The following GAK variants were observed in gnomAD, a reference collection of about 807,000 sequenced individuals.
GAK encodes the protein cyclin G associated kinase, also known as cyclin-G-associated kinase.
In GAK, 79 loss-of-function variants were observed where a neutral mutation model predicts 143.9. The observed-to-expected ratio is 0.55, with a 90% CI of 0.46 to 0.66. GAK has a LOEUF of 0.66. Ranked by LOEUF, GAK falls within the 30% of genes least tolerant of loss-of-function variation. GAK has a pLI of 0.00. For synonymous variants in GAK, 881 were observed against 765.5 expected (o/e 1.15, Z -2.49); for missense variants, 1,693 against 1,779.7 (o/e 0.95, Z 0.88).
At position 877,111 on chromosome 4, in the gene GAK, C is replaced by G; in HGVS notation, c.1953G>C (p.Leu651=). ...LIVIYHARST[L]GGRLQAKMAS... The stretch of plus-strand genomic sequence containing the variant: ...TCACCTTGGCCTGCAGCCGGCCGCC[C>G]AGAGTGGACCGGGCGTGATAGATGA... Residue 651 remains leucine (L), a synonymous_variant, in exon 17 of 28, where the codon CTG becomes CTC. Coordinates refer to ENST00000314167, the MANE Select transcript of GAK (RefSeq NM_005255.4). The G allele has an allele frequency of 1.2e-6, 2 of 1,613,402 alleles. No homozygotes were observed. The highest frequency in any genetic ancestry group is 1.3e-5 in the African/African-American group (1 of 75,012).
At chr4:929,373 A>G (rs1725323811) in intron 1 of GAK, among the ~76,000 whole-genome samples, 1 of 152,168 alleles carries the variant, frequency 6.6e-6, no homozygotes, top group Non-Finnish European at 1.5e-5. Flanking sequence ...GCCTCAATTT[A>G]TCTCACTAGC....
At chr4:901,253 C>A (rs1409611927) in intron 5 of GAK, among the ~76,000 whole-genome samples, 1 of 152,136 alleles carries the variant, frequency 6.6e-6, no homozygotes, top group Non-Finnish European at 1.5e-5. Flanking sequence ...GGCTTAGGCA[C>A]CCCCACCCAG....
chr4:900,087 C>T (rs1719570556), intron 5 of GAK, among the ~76,000 whole-genome samples: 1 of 152,264 alleles, frequency 6.6e-6, no homozygotes, highest in South Asian at 2.1e-4. Flanking sequence ...GATGCAGTGG[C>T]ACACGGCCAC....
intron 1 of GAK, among the ~76,000 whole-genome samples, chr4:930,956 T>TTAGA (rs1577354072): frequency 6.6e-6 from 1 of 152,210 alleles, no homozygotes; most frequent in East Asian, 1.9e-4. Context: ...ACCAGGGAGC[T>TTAGA]GGTGAGGGTG....
chr4:871,996 G>C (rs1712739622), intron 18 of GAK, among the ~76,000 whole-genome samples: 1 of 152,186 alleles, frequency 6.6e-6, no homozygotes. Flanking sequence ...AAGAGTGGCG[G>C]CCAGTTCCTG....
chr4:882,827 G>A lies in GAK; in HGVS notation c.1405-8C>T, dbSNP rs754734896. On this transcript the variant is annotated splice_region_variant and splice_polypyrimidine_tract_variant and intron_variant, in intron 13 of 27. Transcript: ENST00000314167. ...CCAGCCACACTCGGAGACCTGTGGG[G>A]ACAGGGCACGGTGGCACGGACGGCA... 4 of 1,607,970 alleles carry A rather than the reference G, an allele frequency of 2.5e-6. No individual in the cohort carries two copies. The highest frequency in any genetic ancestry group is 2.2e-4 in the Middle Eastern group (1 of 4,612).
Position 864,993 on chromosome 4 carries a change from C to T in GAK, c.3166+129G>A. 9 of 1,301,146 alleles carry T rather than the reference C, an allele frequency of 6.9e-6. 1 individual carries two copies. The South Asian group carries it at 1.4e-4, about 20-fold the overall frequency. 80.6% of individuals were successfully genotyped at this position (1,301,146 alleles called of 1,614,324 possible). A position where few individuals can be genotyped will look rare whatever the true frequency, so the allele number is the denominator to read the frequency against. On this transcript the variant is annotated intron_variant, in intron 23 of 27. Coordinates refer to ENST00000314167, the MANE Select transcript of GAK (RefSeq NM_005255.4). ...AGCCTTGTGTGCGGAGCCCGCACCACCAAGCACGCCCCAGCCCTTCCTTCC... is the reference window on the plus strand; with the variant it reads ...AGCCTTGTGTGCGGAGCCCGCACCATCAAGCACGCCCCAGCCCTTCCTTCC...
Position 849,896 on chromosome 4 carries a change from T to C in GAK, c.3830A>G (p.Asp1277Gly). The C allele has an allele frequency of 1.3e-6, 2 of 1,573,832 alleles. No individual in the cohort carries two copies. Among genetic ancestry groups the C allele is most frequent in the Non-Finnish European group, 8.7e-7 (1 of 1,155,744 alleles). ...CCGCCTGGCAGCTCTGCTCACCTTG[T>C]CGGGGTGCACAGCCAGCACCGCGCG... ...YRRAVLAVHPDKAAGQPYEQH... is the reference protein window; with the variant it reads ...YRRAVLAVHPGKAAGQPYEQH... Residue 1277 changes from aspartate to glycine, a missense_variant, in exon 27 of 28, where the codon GAC (aspartate) becomes GGC (glycine). Asp to Gly is a moderately conservative substitution (Grantham distance 94). Transcript: ENST00000314167.
rs200776520 is a variant in GAK, at chr4:870,867, G to A, written c.2092C>T (p.Pro698Ser). 211 of 1,613,602 alleles carry A rather than the reference G, an allele frequency of 1.3e-4. 2 individuals are homozygous for A. The highest frequency in any genetic ancestry group is 1.2e-4 in the Non-Finnish European group (142 of 1,179,872). Residue 698 changes from proline (P) to serine (S), a missense_variant, in exon 19 of 28, where the codon CCG (proline) becomes TCG (serine). Pro to Ser is a moderately conservative substitution (Grantham distance 74, BLOSUM62 -1). Around this residue, in one of 2 missense-constraint regions of GAK, gnomAD observed 871 missense variants for 991.0 expected, o/e 0.88. Transcript: ENST00000314167. ...LDACDIQEKY[P>S]DLFQVNLEVE... ...TCCAGGTTCACTTGAAATAAATCCG[G>A]GTATTTTTCTTGAATGTCACACGCG...
intron 15 of GAK, among the ~76,000 whole-genome samples, chr4:881,127 G>A (rs947597235): frequency 2.6e-5 from 4 of 152,210 alleles, no homozygotes; most frequent in African/African-American, 7.2e-5. Flanking sequence ...CCGTCCACAG[G>A]CTGTGCGCCC....
chr4:931,754 G>A (rs1560460371), intron 1 of GAK, among the ~76,000 whole-genome samples: 1 of 151,654 alleles, frequency 6.6e-6, no homozygotes, highest in Non-Finnish European at 1.5e-5. Flanking sequence ...CCCAGGCCTT[G>A]CTCCGACTTG....
intron 5 of GAK, among the ~76,000 whole-genome samples, 169 bp downstream of exon 5, chr4:904,468 G>A (rs917084888): frequency 1.3e-5 from 2 of 148,212 alleles, no homozygotes; most frequent in African/African-American, 2.5e-5. Flanking sequence ...CTCAGCAGCC[G>A]CTACCTTGAG....
At position 849,347 on chromosome 4, in the gene GAK, G is replaced by A; in HGVS notation, c.*326C>T. Reference sequence around the variant, plus strand: ...TTACAAAGTGCGGTGCAAACACCAGGGCCCATGAGCGCCAGCAGCGTGGCC... The same window carrying A: ...TTACAAAGTGCGGTGCAAACACCAGAGCCCATGAGCGCCAGCAGCGTGGCC... On this transcript the variant is annotated 3_prime_UTR_variant, in exon 28 of 28. Coordinates refer to ENST00000314167, the MANE Select transcript of GAK (RefSeq NM_005255.4). 1 of 412,158 alleles carries A rather than the reference G, an allele frequency of 2.4e-6. No homozygotes were observed. The highest frequency in any genetic ancestry group is 3.6e-5 in the Admixed American group (1 of 27,612). 25.5% of individuals were successfully genotyped at this position (412,158 alleles called of 1,614,324 possible).
intron 1 of GAK, among the ~76,000 whole-genome samples, chr4:931,315 T>C (rs1315205380): frequency 6.6e-6 from 1 of 152,092 alleles, no homozygotes; most frequent in Non-Finnish European, 1.5e-5. Flanking sequence ...CTTCCTGTAC[T>C]ACACACGGAA....
intron 1 of GAK, among the ~76,000 whole-genome samples, chr4:924,768 G>A (rs911829314): frequency 9.9e-5 from 15 of 152,182 alleles, no homozygotes; most frequent in African/African-American, 3.4e-4. Flanking sequence ...TTCCTCCCGG[G>A]GCTGCTCTCA....
In GAK at chr4:877,656, G is replaced by A. The variant is rs899041540; in HGVS notation, c.1815C>T (p.Asp605=). Residue 605 remains aspartate (D), a synonymous_variant, in exon 16 of 28, where the codon GAC becomes GAT. Coordinates refer to ENST00000314167, the MANE Select transcript of GAK (RefSeq NM_005255.4). ...CRPFCEVYVG[D]ERVASTSQEY... ...CCTGGGAGGTGCTGGCCACACGCTCGTCCCCCACGTAGACCTCGCAGAAGG... is the reference window on the plus strand; with the variant it reads ...CCTGGGAGGTGCTGGCCACACGCTCATCCCCCACGTAGACCTCGCAGAAGG... 23 of 1,607,528 alleles carry A rather than the reference G, an allele frequency of 1.4e-5. No individual in the cohort carries two copies. Among genetic ancestry groups the A allele is most frequent in the Middle Eastern group, 1.7e-4 (1 of 6,058 alleles).
At chr4:917,903 C>T (rs1723324333) in intron 1 of GAK, among the ~76,000 whole-genome samples, 1 of 152,142 alleles carries the variant, frequency 6.6e-6, no homozygotes, top group African/African-American at 2.4e-5. Context: ...CAGATGGCTC[C>T]ACTGCTAAAT....
intron 1 of GAK, among the ~76,000 whole-genome samples, chr4:915,073 T>C (rs1406136949): frequency 1.9e-5 from 2 of 104,170 alleles, no homozygotes; most frequent in Non-Finnish European, 3.6e-5. Context: ...AGTCCCAGCG[T>C]GCACGGCCCC....
At chr4:875,342 A>G (rs1713623479) in intron 18 of GAK, among the ~76,000 whole-genome samples, 1 of 152,262 alleles carries the variant, frequency 6.6e-6, no homozygotes, top group Admixed American at 6.5e-5. Context: ...CAAAGACAAG[A>G]GATGTAAAAA....
Sources: gnomAD v4.1 joint callset for allele counts (sites outside exome capture counted in the v4.1 genomes callset) on GRCh38, gnomAD v4.1.1 for gene constraint, gnomAD v4.1.1 regional missense constraint, MANE v1.5 for transcripts, NCBI Gene and HGNC (gene_info 2026-07-23, HGNC 2026-07-21) for gene names.